Variants in FRMD3 observed in about 807,000 individuals in gnomAD.
The protein encoded by FRMD3 is FERM domain-containing protein 3.
FRMD3 carries 33 observed loss-of-function variants against 70.2 expected under a neutral mutation model. The observed-to-expected ratio is 0.47, with a 90% confidence interval of 0.36 to 0.63. FRMD3 has a LOEUF of 0.63. Among genes scored for constraint, FRMD3 ranks in the 20% least tolerant of loss-of-function variants. The probability of loss-of-function intolerance (pLI) is 0.00; values close to 1 mark genes in which losing one functional copy is unlikely to be tolerated. For missense variants in FRMD3, 632 were observed against 711.4 expected (o/e 0.89, Z 1.27); for synonymous variants, 279 against 255.9 (o/e 1.09, Z -0.86).
intron 4 of FRMD3, among the ~76,000 whole-genome samples, chr9:83,348,078 T>C (rs1490959385): frequency 6.6e-6 from 1 of 152,204 alleles, no homozygotes; most frequent in African/African-American, 2.4e-5. Context: ...AAAATGTCCA[T>C]CCTTAATTTA....
intron 13 of FRMD3, among the ~76,000 whole-genome samples, chr9:83,280,591 C>T (rs1003675887): frequency 2.0e-5 from 3 of 152,178 alleles, no homozygotes; most frequent in Admixed American, 1.3e-4. Context: ...AACATATCAC[C>T]CCCGCCCCTT....
chr9:83,459,079 G>A (rs976124174), intron 1 of FRMD3, among the ~76,000 whole-genome samples: 1 of 152,210 alleles, frequency 6.6e-6, no homozygotes, highest in Non-Finnish European at 1.5e-5. Context: ...ACTCCTGGAA[G>A]TTGATCTTAC....
intron 1 of FRMD3, among the ~76,000 whole-genome samples, chr9:83,451,179 T>TA (rs1827643272): frequency 6.6e-6 from 1 of 152,212 alleles, no homozygotes; most frequent in South Asian, 2.1e-4. Flanking sequence ...CTTCAGTGAT[T>TA]ATGCTGAGGT....
chr9:83,295,692 T>A (rs1834631072), intron 12 of FRMD3, among the ~76,000 whole-genome samples: 1 of 152,146 alleles, frequency 6.6e-6, no homozygotes, highest in Non-Finnish European at 1.5e-5. Flanking sequence ...CACAGGTGCT[T>A]GTGTTCGGTA....
intron 1 of FRMD3, chr9:83,467,603 C>T: frequency 6.8e-7 from 1 of 1,468,030 alleles, no homozygotes; most frequent in East Asian, 2.5e-5. Flanking sequence ...TACATTTTAG[C>T]TGACTGACAC....
At chr9:83,459,046 A>G (rs1337443430) in intron 1 of FRMD3, among the ~76,000 whole-genome samples, 1 of 152,254 alleles carries the variant, frequency 6.6e-6, no homozygotes, top group Non-Finnish European at 1.5e-5. Flanking sequence ...CACCCAATAG[A>G]GTAAACAGAG....
chr9:83,438,855 G>C (rs1378999199), intron 1 of FRMD3, among the ~76,000 whole-genome samples: 1 of 152,200 alleles, frequency 6.6e-6, no homozygotes, highest in Non-Finnish European at 1.5e-5. Flanking sequence ...GCCATGAGAA[G>C]TTGTTCCCAC....
intron 1 of FRMD3, among the ~76,000 whole-genome samples, chr9:83,415,614 CTT>C (rs1168650565): frequency 4.1e-4 from 45 of 108,944 alleles, no homozygotes; most frequent in African/African-American, 1.2e-3. Context: ...GACTAATTTT[CTT>C]TTTTTTTTTT....
At chr9:83,515,025 G>C (rs542264815) in intron 1 of FRMD3, among the ~76,000 whole-genome samples, 63 of 152,270 alleles carry the variant, frequency 4.1e-4, no homozygotes, top group African/African-American at 1.4e-3. Flanking sequence ...GCGCAAAAAG[G>C]CTGAAAGTTC....
chr9:83,317,337 C>A lies in FRMD3; in HGVS notation c.597-3590G>T, dbSNP rs1411716468. 1.2e-4 allele frequency among the ~76,000 whole-genome samples: 18 copies of A among 152,050 alleles called. 1 individual carries two copies. Among genetic ancestry groups the A allele is most frequent in the Admixed American group, 1.0e-3 (16 of 15,272 alleles). ...CTGGCCCTCAATGCAAAACTTCACC[C>A]TAACGACCCAGACCAAGACCAAAGT... On this transcript the variant is annotated intron_variant, in intron 6 of 13. Transcript: ENST00000304195.
At chr9:83,407,144 G>A (rs1177174921) in intron 1 of FRMD3, among the ~76,000 whole-genome samples, 3 of 152,098 alleles carry the variant, frequency 2.0e-5, no homozygotes, top group Admixed American at 6.6e-5. Flanking sequence ...ATACTGTCAC[G>A]GTCATTTCTC....
intron 12 of FRMD3, among the ~76,000 whole-genome samples, chr9:83,296,134 T>G (rs922760009): frequency 1.3e-5 from 2 of 152,208 alleles, no homozygotes; most frequent in African/African-American, 4.8e-5. Context: ...TATTACTACA[T>G]TCTCACTTTT....
intron 1 of FRMD3, among the ~76,000 whole-genome samples, chr9:83,517,494 C>CAAAA (rs59178344): frequency 0.011 from 705 of 65,204 alleles, 1 homozygote; most frequent in Non-Finnish European, 0.012. Flanking sequence ...CCTACCAATC[C>CAAAA]AAAAAAAAAA....
intron 6 of FRMD3, among the ~76,000 whole-genome samples, chr9:83,329,312 G>A (rs959456089): frequency 2.6e-5 from 4 of 152,166 alleles, no homozygotes; most frequent in Non-Finnish European, 5.9e-5. Context: ...AAGGGACTTG[G>A]GAAGGGAAAT....
intron 1 of FRMD3, among the ~76,000 whole-genome samples, chr9:83,422,890 G>T (rs1350946421): frequency 6.6e-6 from 1 of 152,212 alleles, no homozygotes; most frequent in African/African-American, 2.4e-5. Context: ...AGTAACAAAG[G>T]TGATGTTTAG....
rs573625197 is a variant in FRMD3, at chr9:83,358,566, A to G, written c.296-8809T>C. 9.9e-5 allele frequency among the ~76,000 whole-genome samples: 15 copies of G among 152,268 alleles called. No individual in the cohort carries two copies. The East Asian group carries it at 2.7e-3, about 27-fold the overall frequency. On this transcript the variant is annotated intron_variant, in intron 3 of 13. Coordinates refer to ENST00000304195, the MANE Select transcript of FRMD3 (RefSeq NM_174938.6). ...ATATTGATTCCATCCATCCATGAGC[A>G]TGGGATGTGTTTCCGTTTGTTTGTG...
chr9:83,539,567 C>A (rs1829973367), upstream of FRMD3, among the ~76,000 whole-genome samples: 2 of 152,208 alleles, frequency 1.3e-5, no homozygotes, highest in African/African-American at 2.4e-5. Context: ...CAAAGATATG[C>A]CCTGTCCTGG....
intron 13 of FRMD3, among the ~76,000 whole-genome samples, chr9:83,262,134 T>C (rs73479725): frequency 0.034 from 5,135 of 152,292 alleles, 181 homozygotes; most frequent in African/African-American, 0.095. Context: ...AAATCCATGT[T>C]GCTGAATCTC....
intron 1 of FRMD3, among the ~76,000 whole-genome samples, chr9:83,404,191 G>A (rs554045517): frequency 6.6e-6 from 1 of 152,248 alleles, no homozygotes; most frequent in East Asian, 1.9e-4. Flanking sequence ...TTCTTCAAGC[G>A]ATTAGTCACT....
Sources: allele counts gnomAD v4.1 joint callset (sites outside exome capture counted in the v4.1 genomes callset), GRCh38; gene constraint gnomAD v4.1.1; transcripts MANE v1.5; gene names NCBI Gene and HGNC (gene_info 2026-07-23, HGNC 2026-07-21).